GOLGA3: variants seen among roughly 807,000 people sequenced by gnomAD.
The protein encoded by GOLGA3 is golgin subfamily A member 3.
A neutral mutation model predicts 169.4 loss-of-function variants in GOLGA3; 75 were observed. That is an observed-to-expected ratio of 0.44 (90% CI 0.37 to 0.54). The LOEUF (loss-of-function observed/expected upper bound fraction) is 0.54. GOLGA3 is among the 20% of genes least tolerant of loss of function. The probability of loss-of-function intolerance (pLI) is 0.00; values close to 1 mark genes in which losing one functional copy is unlikely to be tolerated. For missense variants in GOLGA3, 1,899 were observed against 1,930.0 expected, an observed-to-expected ratio of 0.98 and a Z score of 0.30; for synonymous variants, 824 against 822.4, an observed-to-expected ratio of 1.00 and a Z score of -0.03.
chr12:132,804,938 T>C lies in GOLGA3; in HGVS notation c.1375A>G (p.Ser459Gly), dbSNP rs368536418. Reference sequence around the variant, plus strand: ...CTCAGCGAATCCTGCCGCTGCTGGCTGCTGTGGCTGCACTCCACCTGCGCC... The same window carrying C: ...CTCAGCGAATCCTGCCGCTGCTGGCCGCTGTGGCTGCACTCCACCTGCGCC... ...LQAQVECSHS[S>G]QQRQDSLSSE... The change falls in exon 7 of 24, where the codon AGC (serine) becomes GGC (glycine). Residue 459 changes from serine to glycine, a missense_variant. Ser to Gly is a moderately conservative substitution (Grantham distance 56, BLOSUM62 0). Coordinates refer to ENST00000450791, the MANE Select transcript of GOLGA3 (RefSeq NM_001389683.1). The surrounding 1 kb of genome is among the most constrained non-coding windows in gnomAD (Gnocchi z 4.1). 20 of 1,613,526 alleles carry C rather than the reference T, an allele frequency of 1.2e-5. No individual in the cohort carries two copies. Among genetic ancestry groups the C allele is most frequent in the Non-Finnish European group, 1.7e-5 (20 of 1,179,948 alleles).
At chr12:132,819,446 G>A (rs1056813777) in intron 2 of GOLGA3, among the ~76,000 whole-genome samples, 8 of 152,186 alleles carry the variant, frequency 5.3e-5, no homozygotes, top group Admixed American at 1.3e-4. Context: ...GAAGAATGGC[G>A]TGAACCCTCG....
chr12:132,787,409 C>A (rs2136362042), intron 13 of GOLGA3, among the ~76,000 whole-genome samples: 1 of 150,652 alleles, frequency 6.6e-6, no homozygotes, highest in Non-Finnish European at 1.5e-5. Context: ...GCCCCAGGAA[C>A]CCTCCCCAAG....
chr12:132,818,006 A>C (rs11147094), intron 2 of GOLGA3, among the ~76,000 whole-genome samples: 1 of 40,806 alleles, frequency 2.5e-5, no homozygotes, highest in Non-Finnish European at 4.3e-5. Context: ...AGGTGAACTC[A>C]CCCTCCACTC....
rs931555218 is a variant in GOLGA3 at position 132,776,712 on chromosome 12, G to A, written c.3900C>T (p.Ile1300=). ...KWEVDQKERE[I]QSLKQQLDLT... ...AGTCCAGCTGCTGCTTCAAGGACTGGATTTCTCTTTCTTTCTGATCCACCT... is the reference window on the plus strand; with the variant it reads ...AGTCCAGCTGCTGCTTCAAGGACTGAATTTCTCTTTCTTTCTGATCCACCT... The change falls in exon 21 of 24, where the codon ATC becomes ATT. Residue 1300 remains isoleucine (I), a synonymous_variant. Coordinates refer to ENST00000450791, the MANE Select transcript of GOLGA3 (RefSeq NM_001389683.1). The A allele has an allele frequency of 6.2e-7, 1 of 1,613,954 alleles. No homozygotes were observed. The highest frequency in any genetic ancestry group is 1.3e-5 in the African/African-American group (1 of 74,928).
chr12:132,784,442 T>C (rs1402135276), intron 15 of GOLGA3, 135 bp from the exon 16 acceptor site: 1 of 724,326 alleles, frequency 1.4e-6, no homozygotes, highest in Non-Finnish European at 2.3e-6. Context: ...TCTCACAACC[T>C]TCCTTTTTGT....
chr12:132,818,139 C>T (rs982123876), intron 2 of GOLGA3, among the ~76,000 whole-genome samples: 4 of 150,348 alleles, frequency 2.7e-5, no homozygotes, highest in African/African-American at 4.9e-5. Flanking sequence ...GGTGAACCCA[C>T]CCTCCACTCC....
intron 1 of GOLGA3, among the ~76,000 whole-genome samples, chr12:132,825,506 T>C (rs186116045): frequency 2.0e-4 from 31 of 152,324 alleles, no homozygotes; most frequent in Admixed American, 1.6e-3. Flanking sequence ...TTCTGCTGAG[T>C]ACATTCCTCT....
intron 1 of GOLGA3, among the ~76,000 whole-genome samples, chr12:132,822,731 G>A (rs1488106621): frequency 1.3e-5 from 2 of 152,114 alleles, no homozygotes; most frequent in Non-Finnish European, 2.9e-5. Flanking sequence ...GACCAGCCTG[G>A]CCAACATGGT....
intron 1 of GOLGA3, chr12:132,826,299 C>A: frequency 1.3e-6 from 1 of 793,120 alleles, no homozygotes; most frequent in Non-Finnish European, 2.0e-6. Flanking sequence ...CCCAGACAGG[C>A]ACCACCACCT....
intron 4 of GOLGA3, among the ~76,000 whole-genome samples, chr12:132,810,369 G>A (rs1183629444): frequency 2.0e-5 from 3 of 152,120 alleles, no homozygotes; most frequent in Admixed American, 6.6e-5. Context: ...AGCCACCCAG[G>A]TGCCGAGGCA....
rs368564535 is a variant in GOLGA3 at position 132,789,390 on chromosome 12, G to A, written c.2548-100C>T. On this transcript the variant is annotated intron_variant, in intron 12 of 23. Coordinates refer to ENST00000450791, the MANE Select transcript of GOLGA3 (RefSeq NM_001389683.1). ...TCAACAAAAATGTTTACCACTTATCGGGGGCATAACTTTTTTGAGGTAAAG... is the reference window on the plus strand; with the variant it reads ...TCAACAAAAATGTTTACCACTTATCAGGGGCATAACTTTTTTGAGGTAAAG... The A allele has an allele frequency of 9.2e-4, 933 of 1,008,698 alleles. 1 individual carries two copies. The highest frequency in any genetic ancestry group is 3.3e-3 in the Admixed American group (116 of 34,984). 62.5% of individuals were successfully genotyped at this position (1,008,698 alleles called of 1,614,324 possible).
intron 15 of GOLGA3, 78 bp downstream of exon 15, chr12:132,786,261 G>T: frequency 9.9e-7 from 1 of 1,007,498 alleles, no homozygotes. Context: ...AGGCTTTAGG[G>T]GACAACTGCT....
intron 8 of GOLGA3, among the ~76,000 whole-genome samples, chr12:132,799,881 C>T (rs1222337553): frequency 1.3e-5 from 2 of 152,114 alleles, no homozygotes; most frequent in East Asian, 3.9e-4. Flanking sequence ...GCTGGGACTA[C>T]AGGCACTCAC....
intron 5 of GOLGA3, 41 bp downstream of exon 5, chr12:132,807,850 C>G (rs1949491485): frequency 1.5e-6 from 1 of 678,620 alleles, no homozygotes. Flanking sequence ...TTGGCCCCAC[C>G]CACCTCCACC....
chr12:132,828,748 G>C lies in GOLGA3; in HGVS notation c.-184+55C>G, dbSNP rs532454816. On this transcript the variant is annotated intron_variant, in intron 1 of 23. Coordinates refer to ENST00000450791, the MANE Select transcript of GOLGA3 (RefSeq NM_001389683.1). The stretch of plus-strand genomic sequence containing the variant: ...TCCCCCGCCCATGCACTGCGGGAGC[G>C]GGAGCGGGAGCGGGAGCCCGAGCCC... 7 of 120,950 alleles carry C rather than the reference G, an allele frequency of 5.8e-5. No homozygotes were observed. In the East Asian group the frequency reaches 1.5e-3, roughly 26 times the overall value. The allele number at this position is 120,950 out of a possible 1,614,324, so 7.5% of individuals were successfully genotyped here. A position where few individuals can be genotyped will look rare whatever the true frequency, so the allele number is the denominator to read the frequency against.
intron 8 of GOLGA3, among the ~76,000 whole-genome samples, chr12:132,799,852 T>C (rs1949044570): frequency 6.6e-6 from 1 of 151,906 alleles, no homozygotes; most frequent in Admixed American, 6.6e-5. Context: ...GCACATCTCA[T>C]GCCTCAGCCT....
rs890318878 is a variant in GOLGA3 at position 132,807,288 on chromosome 12, G to A, written c.1179C>T (p.Ser393=). 1.2e-5 allele frequency: 18 copies of A among 1,543,290 alleles called. No individual in the cohort carries two copies. The highest frequency in any genetic ancestry group is 5.5e-5 in the African/African-American group (4 of 73,194). Residue 393 remains serine (S), a splice_region_variant and synonymous_variant, in exon 6 of 24, where the codon AGC becomes AGT. Transcript: ENST00000450791. ...VRSRRDSICS[S]VSLESSAAET... Reference sequence around the variant, plus strand: ...CTGCTGCAGAGCTCTCCAAGGACACGCTGGGGACAAAGGCACGGGTCAGGC... The same window carrying A: ...CTGCTGCAGAGCTCTCCAAGGACACACTGGGGACAAAGGCACGGGTCAGGC...
Position 132,775,197 on chromosome 12 carries a change from G to A in GOLGA3, c.4087C>T (p.Leu1363=), listed in dbSNP as rs1478558914. 6.2e-7 allele frequency: 1 copy of A among 1,614,192 alleles called. No homozygotes were observed. Among genetic ancestry groups the A allele is most frequent in the Non-Finnish European group, 8.5e-7 (1 of 1,180,002 alleles). The change falls in exon 22 of 24, where the codon CTG becomes TTG. Residue 1363 remains leucine (L), a synonymous_variant. Coordinates refer to ENST00000450791, the MANE Select transcript of GOLGA3 (RefSeq NM_001389683.1). ...VSELKNNMKT[L]LQQNQQLKLD... is the part of the protein sequence containing the mutation. The stretch of plus-strand genomic sequence containing the variant: ...TTGAGCTGCTGGTTCTGCTGGAGCA[G>A]GGTCTTCATGTTGTTCTTCAGCTCC...
intron 22 of GOLGA3, chr12:132,774,680 T>C: frequency 2.5e-6 from 1 of 400,112 alleles, no homozygotes; most frequent in Non-Finnish European, 4.5e-6. Context: ...GTTTTCCAGC[T>C]TAGGCTCCCT....
Sources: allele counts gnomAD v4.1 joint callset (sites outside exome capture counted in the v4.1 genomes callset), GRCh38; gene constraint gnomAD v4.1.1; non-coding constraint Gnocchi (gnomAD v3.1); transcripts MANE v1.5; gene names NCBI Gene and HGNC (gene_info 2026-07-23, HGNC 2026-07-21).